ZDHHC14: variants seen among roughly 807,000 people sequenced by gnomAD.
ZDHHC14 encodes palmitoyltransferase ZDHHC14.
Under a neutral mutation model 47.7 loss-of-function variants are expected in ZDHHC14, and 16 were observed. The ratio of observed to expected loss-of-function variants is 0.34; its 90% confidence interval spans 0.23 to 0.51. The LOEUF (loss-of-function observed/expected upper bound fraction) is 0.51. Among genes scored for constraint, ZDHHC14 ranks in the 20% least tolerant of loss-of-function variants. The pLI is 0.97. For missense variants in ZDHHC14, 515 were observed against 662.5 expected, an observed-to-expected ratio of 0.78 and a Z score of 2.44; for synonymous variants, 293 against 278.9, an observed-to-expected ratio of 1.05 and a Z score of -0.50.
chr6:157,613,576 A>G (rs541898483), intron 3 of ZDHHC14, among the ~76,000 whole-genome samples: 1 of 152,338 alleles, frequency 6.6e-6, no homozygotes, highest in East Asian at 1.9e-4. Context: ...GGGATGGCAC[A>G]TTTAGCATGC....
intron 1 of ZDHHC14, among the ~76,000 whole-genome samples, chr6:157,508,610 C>T (rs2114746199): frequency 6.6e-6 from 1 of 152,236 alleles, no homozygotes; most frequent in East Asian, 1.9e-4. Context: ...TGGGCTCAAG[C>T]AATCAGATGC....
chr6:157,668,036 C>T (rs1778629036), intron 8 of ZDHHC14, among the ~76,000 whole-genome samples: 1 of 152,118 alleles, frequency 6.6e-6, no homozygotes, highest in Non-Finnish European at 1.5e-5. Context: ...CCCCGTGTGC[C>T]CCAACTGAGA....
chr6:157,434,681 G>A (rs1778405068), intron 1 of ZDHHC14, among the ~76,000 whole-genome samples: 1 of 152,110 alleles, frequency 6.6e-6, no homozygotes, highest in South Asian at 2.1e-4. Context: ...TTTATCAAAT[G>A]TTTGTCAGTG....
In ZDHHC14 at chr6:157,426,551, C is replaced by T. The variant is rs367802563; in HGVS notation, c.245+44285C>T. ...ACTCAGGGGGAGAAGCGCACCAGCT[C>T]GCAGGATGTGTGGGTCTGGCACCCA... On this transcript the variant is annotated intron_variant, in intron 1 of 8. Transcript: ENST00000359775. 2.2e-3 allele frequency among the ~76,000 whole-genome samples: 328 copies of T among 152,156 alleles called. 2 individuals are homozygous for T. The highest frequency in any genetic ancestry group is 7.2e-3 in the African/African-American group (299 of 41,514).
chr6:157,611,763 G>C (rs1784758243), intron 3 of ZDHHC14, among the ~76,000 whole-genome samples: 1 of 152,218 alleles, frequency 6.6e-6, no homozygotes, highest in South Asian at 2.1e-4. Flanking sequence ...ATTGCTTCAT[G>C]AAAGTCTGTC....
chr6:157,426,860 C>T (rs563157203), intron 1 of ZDHHC14, among the ~76,000 whole-genome samples: 5 of 152,326 alleles, frequency 3.3e-5, no homozygotes, highest in Non-Finnish European at 5.9e-5. Context: ...TCCATAAGAG[C>T]GTTTTCCGTG....
At chr6:157,620,017 T>C (rs146265648) in intron 3 of ZDHHC14, among the ~76,000 whole-genome samples, 201 of 152,326 alleles carry the variant, frequency 1.3e-3, no homozygotes, top group African/African-American at 4.5e-3. Context: ...CAAAAGGAGC[T>C]GAGAAGAGAG....
intron 1 of ZDHHC14, among the ~76,000 whole-genome samples, chr6:157,401,835 AC>A (rs1486729781): frequency 1.0e-4 from 15 of 143,090 alleles, no homozygotes; most frequent in Admixed American, 5.7e-4. Flanking sequence ...TGAGATGCAC[AC>A]CTGCAGAGGT....
At chr6:157,401,739 T>A (rs1321068417) in intron 1 of ZDHHC14, among the ~76,000 whole-genome samples, 1 of 149,110 alleles carries the variant, frequency 6.7e-6, no homozygotes, top group African/African-American at 2.5e-5. Flanking sequence ...CCTGCTGAGG[T>A]CACCCTGCAG....
intron 1 of ZDHHC14, among the ~76,000 whole-genome samples, chr6:157,409,390 G>T (rs1777828636): frequency 6.6e-6 from 1 of 152,128 alleles, no homozygotes; most frequent in African/African-American, 2.4e-5. Flanking sequence ...GGAGCAGCGG[G>T]TTACGTATGT....
In ZDHHC14 at chr6:157,434,669, C is replaced by T. The variant is rs537183335; in HGVS notation, c.245+52403C>T. ...ATGGATCTTTTGCCCCAGTTTTATTCGTTTATCAAATGTTTGTCAGTGTGG... is the reference window on the plus strand; with the variant it reads ...ATGGATCTTTTGCCCCAGTTTTATTTGTTTATCAAATGTTTGTCAGTGTGG... On this transcript the variant is annotated intron_variant, in intron 1 of 8. Coordinates refer to ENST00000359775, the MANE Select transcript of ZDHHC14 (RefSeq NM_024630.3). Among the ~76,000 whole-genome samples, 54 of 152,018 alleles carry T rather than the reference C, an allele frequency of 3.6e-4. 1 individual carries two copies. Among genetic ancestry groups the T allele is most frequent in the African/African-American group, 1.3e-3 (54 of 41,444 alleles).
intron 1 of ZDHHC14, among the ~76,000 whole-genome samples, chr6:157,495,790 C>T (rs1486405579): frequency 4.7e-5 from 7 of 149,682 alleles, no homozygotes; most frequent in Non-Finnish European, 8.9e-5. Context: ...CTGCAACCTC[C>T]GCCTCCCGGC....
Position 157,533,300 on chromosome 6 carries a change from A to G in ZDHHC14, c.246-9285A>G, listed in dbSNP as rs563824173. Among the ~76,000 whole-genome samples, 6 of 152,276 alleles carry G rather than the reference A, an allele frequency of 3.9e-5. No homozygotes were observed. The South Asian group carries it at 1.2e-3, about 32-fold the overall frequency. On this transcript the variant is annotated intron_variant, in intron 1 of 8. Coordinates refer to ENST00000359775, the MANE Select transcript of ZDHHC14 (RefSeq NM_024630.3). ...GGTCAGACAGTAAGCAAGGAAGTATATATATTAACAGTGTGCCAAGTGGGG... is the reference window on the plus strand; with the variant it reads ...GGTCAGACAGTAAGCAAGGAAGTATGTATATTAACAGTGTGCCAAGTGGGG...
intron 1 of ZDHHC14, among the ~76,000 whole-genome samples, chr6:157,393,469 C>T (rs181151547): frequency 6.6e-6 from 1 of 152,318 alleles, no homozygotes; most frequent in Admixed American, 6.5e-5. Flanking sequence ...TCAGGCGTGG[C>T]TCATGAATAC....
At chr6:157,467,975 T>G (rs1183842407) in intron 1 of ZDHHC14, among the ~76,000 whole-genome samples, 1 of 152,200 alleles carries the variant, frequency 6.6e-6, no homozygotes, top group Non-Finnish European at 1.5e-5. Flanking sequence ...TAAATCCTAT[T>G]AAATAATTGT....
At chr6:157,555,029 T>C (rs1045492463) in intron 2 of ZDHHC14, among the ~76,000 whole-genome samples, 1 of 152,218 alleles carries the variant, frequency 6.6e-6, no homozygotes, top group South Asian at 2.1e-4. Flanking sequence ...CTCATGTTTT[T>C]AGGAGAGACC....
intron 8 of ZDHHC14, among the ~76,000 whole-genome samples, chr6:157,670,041 C>A (rs1054869028): frequency 6.6e-6 from 1 of 152,234 alleles, no homozygotes; most frequent in African/African-American, 2.4e-5. Context: ...CAAGACTGAG[C>A]CCATGTCCTG....
chr6:157,501,350 C>A (rs945968006), intron 1 of ZDHHC14, among the ~76,000 whole-genome samples: 3 of 152,244 alleles, frequency 2.0e-5, no homozygotes, highest in Non-Finnish European at 4.4e-5. Context: ...GTAAAAAAAA[C>A]AATGTACAGA....
At chr6:157,507,869 G>A (rs151127251) in intron 1 of ZDHHC14, among the ~76,000 whole-genome samples, 1 of 152,270 alleles carries the variant, frequency 6.6e-6, no homozygotes, top group East Asian at 1.9e-4. Flanking sequence ...GCTTTTGGTG[G>A]AAAACACCCT....
Sources: allele counts gnomAD v4.1 joint callset (sites outside exome capture counted in the v4.1 genomes callset), GRCh38; gene constraint gnomAD v4.1.1; transcripts MANE v1.5; gene names NCBI Gene and HGNC (gene_info 2026-07-23, HGNC 2026-07-21).